The following RGS8 variants were observed in gnomAD, a reference collection of about 807,000 sequenced individuals.
The protein encoded by RGS8 is regulator of G-protein signaling 8.
Under a neutral mutation model 21.7 loss-of-function variants are expected in RGS8, and 8 were observed. The ratio of observed to expected loss-of-function variants is 0.37; its 90% CI spans 0.22 to 0.66. RGS8 has a LOEUF of 0.66. Ranked by LOEUF, RGS8 falls within the 30% of genes least tolerant of loss-of-function variation. The pLI is 0.59. For missense variants in RGS8, 157 were observed against 217.9 expected (o/e 0.72, Z 1.76); for synonymous variants, 80 against 83.6 (o/e 0.96, Z 0.24).
chr1:182,736,957 A>C, the RGS8 span, among the ~76,000 whole-genome samples: 513 of 152,356 alleles, frequency 3.4e-3, 2 homozygotes, highest in Non-Finnish European at 6.4e-3. Flanking sequence ...GGTGGCTTAA[A>C]ACAACAGAAA....
At chr1:182,663,865 C>G (rs576271254) in intron 5 of RGS8, among the ~76,000 whole-genome samples, 200 of 152,060 alleles carry the variant, frequency 1.3e-3, no homozygotes, top group African/African-American at 4.6e-3. Context: ...GAGATGGGGT[C>G]TTGCCATGTT....
intron 1 of RGS8, among the ~76,000 whole-genome samples, chr1:182,681,456 GA>G (rs755536205): frequency 3.3e-5 from 5 of 152,140 alleles, no homozygotes; most frequent in Non-Finnish European, 4.4e-5. Flanking sequence ...CATTTTTAAT[GA>G]CTTCAGGCAA....
the RGS8 span, among the ~76,000 whole-genome samples, chr1:182,714,089 C>A: frequency 6.6e-6 from 1 of 152,008 alleles, no homozygotes; most frequent in African/African-American, 2.4e-5. Context: ...CTAACCTTTC[C>A]TCCCCCTCAT....
intron 5 of RGS8, among the ~76,000 whole-genome samples, chr1:182,659,869 A>G (rs1663498601): frequency 6.6e-6 from 1 of 152,154 alleles, no homozygotes; most frequent in Admixed American, 6.5e-5. Context: ...TAAAAACTAC[A>G]TCCTCAATGG....
At chr1:182,690,368 A>G in the RGS8 span, among the ~76,000 whole-genome samples, 1 of 152,190 alleles carries the variant, frequency 6.6e-6, no homozygotes, top group Admixed American at 6.5e-5. Flanking sequence ...CAGGGACTGA[A>G]TCTGTCTTGT....
chr1:182,734,486 A>T, the RGS8 span: 1 of 152,234 alleles, frequency 6.6e-6, no homozygotes, highest in Non-Finnish European at 1.5e-5. Context: ...AGAAAAAATA[A>T]CCGAAAGAAT....
chr1:182,743,528 T>A, the RGS8 span, among the ~76,000 whole-genome samples: 2 of 152,200 alleles, frequency 1.3e-5, no homozygotes, highest in Non-Finnish European at 2.9e-5. Flanking sequence ...TCATAATAAC[T>A]CATAGATATT....
At chr1:182,681,979 T>A (rs1664549637) in intron 1 of RGS8, among the ~76,000 whole-genome samples, 1 of 152,194 alleles carries the variant, frequency 6.6e-6, no homozygotes, top group South Asian at 2.1e-4. Context: ...CTGATGATGA[T>A]GCTGATATTT....
chr1:182,724,018 A>G, the RGS8 span, among the ~76,000 whole-genome samples: 1 of 151,534 alleles, frequency 6.6e-6, no homozygotes, highest in African/African-American at 2.4e-5. Context: ...ATTGGATTGA[A>G]GTATGCAAAA....
chr1:182,724,245 T>C, the RGS8 span, among the ~76,000 whole-genome samples: 1 of 125,734 alleles, frequency 8.0e-6, no homozygotes, highest in East Asian at 2.4e-4. Context: ...TATATATATA[T>C]ATCCTATTAT....
chr1:182,646,631 C>T, exon 7 of RGS8: 1 of 1,097,614 alleles, frequency 9.1e-7, no homozygotes, highest in Non-Finnish European at 1.3e-6. Context: ...CTCCCACCCC[C>T]AATGCCACCG....
At chr1:182,680,336 T>C (rs1015735220) in intron 1 of RGS8, among the ~76,000 whole-genome samples, 4 of 152,130 alleles carry the variant, frequency 2.6e-5, no homozygotes, top group Non-Finnish European at 5.9e-5. Flanking sequence ...CTCTACACTT[T>C]CCATAATCAT....
At chr1:182,727,779 A>T in the RGS8 span, among the ~76,000 whole-genome samples, 1 of 152,178 alleles carries the variant, frequency 6.6e-6, no homozygotes, top group Non-Finnish European at 1.5e-5. Flanking sequence ...CTCATTATGC[A>T]TATTAATCTG....
intron 3 of RGS8, 49 bp downstream of exon 4, chr1:182,669,575 G>A (rs537192584): frequency 6.2e-7 from 1 of 1,613,960 alleles, no homozygotes; most frequent in Admixed American, 1.7e-5. Context: ...ACAAGGTGGA[G>A]AAAAGAGGAA....
intron 1 of RGS8, among the ~76,000 whole-genome samples, chr1:182,680,414 T>G (rs1167271093): frequency 6.6e-6 from 1 of 152,172 alleles, no homozygotes; most frequent in Non-Finnish European, 1.5e-5. Context: ...CAGAATGTCC[T>G]TGATCTGAGT....
intron 5 of RGS8, among the ~76,000 whole-genome samples, chr1:182,656,890 C>G (rs1349335329): frequency 2.0e-5 from 3 of 152,204 alleles, no homozygotes; most frequent in Non-Finnish European, 4.4e-5. Context: ...TCTGCTCACC[C>G]ACTTTGTATG....
intron 5 of RGS8, among the ~76,000 whole-genome samples, chr1:182,658,123 C>T (rs1035778282): frequency 2.6e-5 from 4 of 152,200 alleles, no homozygotes; most frequent in Non-Finnish European, 5.9e-5. Context: ...GAACAGTGAG[C>T]AGAATATTGG....
At chr1:182,708,452 C>T in the RGS8 span, among the ~76,000 whole-genome samples, 1 of 152,218 alleles carries the variant, frequency 6.6e-6, no homozygotes, top group Non-Finnish European at 1.5e-5. Context: ...TCTACAGAGG[C>T]ACACCTGGGC....
Position 182,666,922 on chromosome 1 carries a change from C to T in RGS8, c.78G>A (p.Ser26=), listed in dbSNP as rs138766331. ...GAAGAATAGCTGTGAAATCACTACA[C>T]GAGTCTGACTTGTGAGACAGGCATC... The change falls in exon 4 of 7, where the codon TCG becomes TCA. Residue 26 remains serine, a synonymous_variant. Coordinates refer to ENST00000483095, the Ensembl canonical transcript of RGS8. The T allele has an allele frequency of 4.3e-4, 701 of 1,614,168 alleles. 1 individual carries two copies. The highest frequency in any genetic ancestry group is 1.9e-4 in the Non-Finnish European group (219 of 1,179,994).
Sources: allele counts gnomAD v4.1 joint callset (sites outside exome capture counted in the v4.1 genomes callset), GRCh38; gene constraint gnomAD v4.1.1; transcripts MANE v1.5; gene names NCBI Gene and HGNC (gene_info 2026-07-23, HGNC 2026-07-21).